Variants in AFF3 observed in about 807,000 individuals in gnomAD.
The protein encoded by AFF3 is AF4/FMR2 family member 3.
In AFF3, 32 loss-of-function variants were observed where a neutral mutation model predicts 129.7. That is an observed-to-expected ratio of 0.25 (90% CI 0.19 to 0.33). The LOEUF (loss-of-function observed/expected upper bound fraction) is 0.33. Ranked by LOEUF, AFF3 falls within the 10% of genes least tolerant of loss-of-function variation. The probability of loss-of-function intolerance (pLI) is 1.00; values close to 1 mark genes in which losing one functional copy is unlikely to be tolerated. For missense variants in AFF3, 1,373 were observed against 1,592.0 expected, an observed-to-expected ratio of 0.86 and a Z score of 2.34; for synonymous variants, 644 against 635.4, an observed-to-expected ratio of 1.01 and a Z score of -0.20.
At position 100,099,740 on chromosome 2, in the gene AFF3, T is replaced by C. The variant is rs371602143; in HGVS notation, c.53+4662A>G. On this transcript the variant is annotated intron_variant, in intron 4 of 24. Transcript: ENST00000672756. ...AAAAAACACACTGTCCTTTGCATCC[T>C]GTACAGCAGGGTTTCCTAAACTGCA... 3.6e-3 allele frequency among the ~76,000 whole-genome samples: 542 copies of C among 152,346 alleles called. 5 individuals are homozygous for C. Among genetic ancestry groups the C allele is most frequent in the African/African-American group, 0.012 (508 of 41,568 alleles).
chr2:99,869,769 G>C, intron 7 of AFF3, among the ~76,000 whole-genome samples: 1 of 152,106 alleles, frequency 6.6e-6, no homozygotes, highest in East Asian at 1.9e-4. Flanking sequence ...AGGGTTCTGG[G>C]GGAGATTCAG....
chr2:99,795,229 T>C (rs1190197961), intron 8 of AFF3, among the ~76,000 whole-genome samples: 1 of 152,174 alleles, frequency 6.6e-6, no homozygotes, highest in African/African-American at 2.4e-5. Context: ...AATGAAATCA[T>C]GTCTTTTGCA....
At chr2:99,965,429 TC>T (rs1677651557) in intron 7 of AFF3, among the ~76,000 whole-genome samples, 2 of 152,230 alleles carry the variant, frequency 1.3e-5, no homozygotes, top group Admixed American at 1.3e-4. Context: ...ATTATTCCAG[TC>T]CTGCTCTCTT....
At chr2:99,921,721 C>T (rs1695869680) in intron 7 of AFF3, among the ~76,000 whole-genome samples, 2 of 152,038 alleles carry the variant, frequency 1.3e-5, no homozygotes, top group South Asian at 2.1e-4. Flanking sequence ...TGGACTTCAT[C>T]ACAATTAAAA....
intron 7 of AFF3, among the ~76,000 whole-genome samples, chr2:99,920,828 T>C (rs895673243): frequency 6.6e-6 from 1 of 152,050 alleles, no homozygotes; most frequent in Non-Finnish European, 1.5e-5. Context: ...CAAATGAATT[T>C]AGCGATGTTT....
chr2:99,874,001 C>T (rs967574787), intron 7 of AFF3, among the ~76,000 whole-genome samples: 1 of 151,802 alleles, frequency 6.6e-6, no homozygotes, highest in African/African-American at 2.4e-5. Flanking sequence ...GGTGAAACCC[C>T]GTCTCTACTA....
Position 99,560,406 on chromosome 2 carries a change from G to A in AFF3, c.3150C>T (p.Gly1050=). 4 of 1,614,164 alleles carry A rather than the reference G, an allele frequency of 2.5e-6. No individual in the cohort carries two copies. Among genetic ancestry groups the A allele is most frequent in the South Asian group, 1.1e-5 (1 of 91,076 alleles). The stretch of plus-strand genomic sequence containing the variant: ...GTTTGTCTTCTGGTGTGGCATTGGG[G>A]CCTGAGTGGGTTTTTAGTCTCATAG... The part of the protein sequence containing the change: ...RYAMRLKTHS[G]PNATPEDKQL... The change falls in exon 21 of 25, where the codon GGC becomes GGT. Residue 1050 remains glycine (G), a synonymous_variant. Transcript: ENST00000672756.
intron 7 of AFF3, among the ~76,000 whole-genome samples, chr2:99,878,091 G>GA (rs760959973): frequency 2.6e-5 from 4 of 151,760 alleles, no homozygotes; most frequent in Admixed American, 2.0e-4. Context: ...GTCCTATGTT[G>GA]AAAAAAAATA....
chr2:100,033,880 T>A (rs1202640514), intron 4 of AFF3, among the ~76,000 whole-genome samples: 1 of 152,172 alleles, frequency 6.6e-6, no homozygotes, highest in East Asian at 1.9e-4. Flanking sequence ...TAGTAATAAT[T>A]TTCAACCTCT....
At chr2:99,931,346 C>T (rs751188472) in intron 7 of AFF3, among the ~76,000 whole-genome samples, 1 of 152,172 alleles carries the variant, frequency 6.6e-6, no homozygotes, top group African/African-American at 2.4e-5. Flanking sequence ...GTAACTGCAG[C>T]GTTGCCATTA....
intron 11 of AFF3, among the ~76,000 whole-genome samples, chr2:99,685,148 C>T (rs1674929672): frequency 6.6e-6 from 1 of 151,898 alleles, no homozygotes. Context: ...CATGGTGTGG[C>T]CAGGCTGGTC....
At chr2:99,792,714 G>A (rs1004542742) in intron 8 of AFF3, among the ~76,000 whole-genome samples, 7 of 152,206 alleles carry the variant, frequency 4.6e-5, no homozygotes, top group African/African-American at 1.2e-4. Context: ...TTTCTGCACC[G>A]ATTGAAATAT....
intron 2 of AFF3, among the ~76,000 whole-genome samples, chr2:100,113,043 C>T (rs1279058186): frequency 2.0e-5 from 3 of 152,154 alleles, no homozygotes; most frequent in Non-Finnish European, 2.9e-5. Flanking sequence ...GAGTGTCAGC[C>T]CAAATCCCCA....
rs1410938925 is a variant in AFF3 at position 99,546,642 on chromosome 2, A to C, written c.*4832T>G. On this transcript the variant is annotated 3_prime_UTR_variant, in exon 25 of 25. Coordinates refer to ENST00000672756, the MANE Select transcript of AFF3 (RefSeq NM_001386135.1). Reference sequence around the variant, plus strand: ...GATAAGACTAAAAATGAAGTTAACAAACTTACCCTCCCACATAGGGGATGC... The same window carrying C: ...GATAAGACTAAAAATGAAGTTAACACACTTACCCTCCCACATAGGGGATGC... The C allele has an allele frequency of 1.3e-5, 3 of 231,566 alleles. No homozygotes were observed. Among genetic ancestry groups the C allele is most frequent in the Admixed American group, 5.6e-5 (1 of 17,700 alleles). The allele number at this position is 231,566 out of a possible 1,614,324, so 14.3% of individuals were successfully genotyped here.
intron 8 of AFF3, among the ~76,000 whole-genome samples, chr2:99,799,798 A>C (rs546899046): frequency 3.3e-5 from 5 of 152,182 alleles, no homozygotes; most frequent in Non-Finnish European, 5.9e-5. Context: ...AATACACCAC[A>C]TATCTACAAA....
chr2:100,118,373 T>G (rs917441548), intron 2 of AFF3, among the ~76,000 whole-genome samples: 3 of 152,212 alleles, frequency 2.0e-5, no homozygotes, highest in African/African-American at 7.2e-5. Flanking sequence ...GTTATGCTCC[T>G]AGAAGCAGTG....
chr2:99,807,990 T>C (rs1335258004), intron 8 of AFF3, among the ~76,000 whole-genome samples: 6 of 152,208 alleles, frequency 3.9e-5, no homozygotes, highest in Non-Finnish European at 8.8e-5. Flanking sequence ...TGTCAGGGGC[T>C]GTGTGTTCAG....
chr2:99,841,947 C>T (rs1250150707), intron 7 of AFF3, among the ~76,000 whole-genome samples: 1 of 152,178 alleles, frequency 6.6e-6, no homozygotes, highest in East Asian at 1.9e-4. Flanking sequence ...ATTTCCTCCT[C>T]CTTTTCCACG....
intron 11 of AFF3, among the ~76,000 whole-genome samples, chr2:99,684,802 C>G (rs1674886376): frequency 1.3e-5 from 2 of 151,532 alleles, no homozygotes; most frequent in African/African-American, 2.4e-5. Flanking sequence ...AATACTACCA[C>G]TTTTGCAGCA....
Sources: gnomAD v4.1 joint callset for allele counts (sites outside exome capture counted in the v4.1 genomes callset) on GRCh38, gnomAD v4.1.1 for gene constraint, MANE v1.5 for transcripts, NCBI Gene and HGNC (gene_info 2026-07-23, HGNC 2026-07-21) for gene names.